DCBLD2: variants seen among roughly 807,000 people sequenced by gnomAD.
DCBLD2 encodes the protein discoidin, CUB and LCCL domain containing 2.
Under a neutral mutation model 86.8 loss-of-function variants are expected in DCBLD2, and 54 were observed. That is an observed-to-expected ratio of 0.62 (90% CI 0.50 to 0.78). The LOEUF is 0.78. Ranked by LOEUF, DCBLD2 falls within the 30% of genes least tolerant of loss-of-function variation. DCBLD2 has a pLI of 0.00. For missense variants in DCBLD2, 908 were observed against 954.2 expected, an observed-to-expected ratio of 0.95 and a Z score of 0.64; for synonymous variants, 354 against 341.3, an observed-to-expected ratio of 1.04 and a Z score of -0.41.
At chr3:98,879,784 A>G (rs1943429548) in intron 2 of DCBLD2, among the ~76,000 whole-genome samples, 1 of 152,148 alleles carries the variant, frequency 6.6e-6, no homozygotes, top group Non-Finnish European at 1.5e-5. Context: ...TGCTATGTAT[A>G]TGTTGAAGAA....
intron 3 of DCBLD2, among the ~76,000 whole-genome samples, chr3:98,847,354 C>T (rs1004331928): frequency 2.0e-5 from 3 of 152,216 alleles, no homozygotes; most frequent in African/African-American, 4.8e-5. Flanking sequence ...TCCATAACAT[C>T]ACACTGACTA....
intron 13 of DCBLD2, among the ~76,000 whole-genome samples, chr3:98,806,141 C>T (rs557173139): frequency 3.9e-4 from 60 of 152,126 alleles, no homozygotes; most frequent in Admixed American, 7.9e-4. Flanking sequence ...GAATAATTTG[C>T]GTAGAGGTGC....
rs1220312098 is a variant in DCBLD2 at position 98,799,566 on chromosome 3, C to T, written c.2134G>A (p.Val712Met). ...KATGNQPPPLVGTYNTLLSRT... is the reference protein window; with the variant it reads ...KATGNQPPPLMGTYNTLLSRT... ...GAGAGAAGTGTATTGTAAGTTCCCA[C>T]TAGTGGGGGAGGTTGGTTCCCCGTA... Residue 712 changes from valine to methionine, a missense_variant, in exon 16 of 16, where the codon GTG becomes ATG. By Grantham distance (21) the Val-to-Met change is conservative. Coordinates refer to ENST00000326840, the MANE Select transcript of DCBLD2 (RefSeq NM_080927.4). 1.9e-6 allele frequency: 3 copies of T among 1,613,824 alleles called. No individual in the cohort carries two copies. In the Admixed American group the frequency reaches 5.0e-5, roughly 27 times the overall value.
chr3:98,876,849 C>A (rs1330013000), intron 2 of DCBLD2, among the ~76,000 whole-genome samples: 1 of 152,066 alleles, frequency 6.6e-6, no homozygotes, highest in Non-Finnish European at 1.5e-5. Context: ...TGAGGACTAT[C>A]CTACAAAATG....
At chr3:98,802,907 T>C (rs1559767240) in intron 13 of DCBLD2, among the ~76,000 whole-genome samples, 2 of 152,220 alleles carry the variant, frequency 1.3e-5, no homozygotes, top group African/African-American at 4.8e-5. Context: ...CATTGGTCTA[T>C]ATCTCTGTTT....
intron 2 of DCBLD2, among the ~76,000 whole-genome samples, chr3:98,855,196 A>G (rs145340877): frequency 5.6e-4 from 85 of 152,338 alleles, no homozygotes; most frequent in Non-Finnish European, 1.1e-3. Context: ...CAGATTTTTT[A>G]TAAACAAAGA....
In DCBLD2 at chr3:98,849,554, A is replaced by T. The variant is rs767897773; in HGVS notation, c.478T>A (p.Ser160Thr). 1.9e-6 allele frequency: 3 copies of T among 1,613,836 alleles called. No individual in the cohort carries two copies. Residue 160 changes from serine (S) to threonine (T), a missense_variant, in exon 3 of 16, where the codon TCA becomes ACA. This residue lies in a region of DCBLD2 where 294 missense variants were observed against 256.0 expected (regional missense o/e 1.15). Transcript: ENST00000326840. ...AGCAATGTGATTTCATTGCCTTTTG[A>T]TTCAATTGAATGGTTCATTTGCAAC... The part of the protein sequence containing the change: ...LGLQMNHSIE[S>T]KGNEITLLFM...
intron 2 of DCBLD2, among the ~76,000 whole-genome samples, chr3:98,867,910 C>T (rs1943186321): frequency 6.6e-6 from 1 of 151,808 alleles, no homozygotes; most frequent in Non-Finnish European, 1.5e-5. Flanking sequence ...TCATGCCATT[C>T]TCCTGCCTCA....
chr3:98,837,859 A>C (rs1942502281), intron 3 of DCBLD2, among the ~76,000 whole-genome samples: 1 of 143,162 alleles, frequency 7.0e-6, no homozygotes, highest in East Asian at 2.3e-4. Context: ...GCGGCTGGCC[A>C]TGCGGGGGGC....
intron 2 of DCBLD2, among the ~76,000 whole-genome samples, chr3:98,862,879 G>A (rs1198086636): frequency 6.6e-6 from 1 of 152,142 alleles, no homozygotes; most frequent in Admixed American, 6.5e-5. Context: ...AGGGCAATCA[G>A]GCAGGAGAAA....
In DCBLD2 at chr3:98,901,258, G is replaced by A. The variant is rs1482607829; in HGVS notation, c.69C>T (p.Ala23=). Residue 23 remains alanine, a synonymous_variant, in exon 1 of 16, where the codon GCC becomes GCT. Transcript: ENST00000326840. ...GGGGGAGCGCGGCCCAGGCGGGGGC[G>A]GCGGCCGCGGCCCGGACTTGGGGAC... ...PQCPQVRAAA[A]APAWAALPLS... The A allele has an allele frequency of 1.3e-6, 2 of 1,531,078 alleles. No individual in the cohort carries two copies. The highest frequency in any genetic ancestry group is 2.4e-5 in the East Asian group (1 of 40,854). The allele number at this position is 1,531,078 out of a possible 1,614,324, so 94.8% of individuals were successfully genotyped here. A position where few individuals can be genotyped will look rare whatever the true frequency, so the allele number is the denominator to read the frequency against.
intron 1 of DCBLD2, among the ~76,000 whole-genome samples, chr3:98,885,845 G>C (rs1195593949): frequency 2.0e-5 from 3 of 151,550 alleles, no homozygotes; most frequent in Non-Finnish European, 4.4e-5. Context: ...CCATTTGGCA[G>C]TGTCTTGAGA....
intron 13 of DCBLD2, among the ~76,000 whole-genome samples, chr3:98,802,185 G>A (rs566484168): frequency 6.6e-6 from 1 of 152,268 alleles, no homozygotes; most frequent in African/African-American, 2.4e-5. Flanking sequence ...GTGTAAAAAT[G>A]TTCCTATTTC....
At chr3:98,868,144 GC>G (rs1943193058) in intron 2 of DCBLD2, among the ~76,000 whole-genome samples, 1 of 152,016 alleles carries the variant, frequency 6.6e-6, no homozygotes, top group African/African-American at 2.4e-5. Context: ...CTATCAAGCA[GC>G]CCCCTGAAGC....
chr3:98,890,470 A>G (rs1441776520), intron 1 of DCBLD2: 1 of 152,060 alleles, frequency 6.6e-6, no homozygotes, highest in Non-Finnish European at 1.5e-5. Flanking sequence ...TGAGACAATA[A>G]ATTTAAGTCA....
At chr3:98,889,252 T>G (rs1349255685) in intron 1 of DCBLD2, among the ~76,000 whole-genome samples, 2 of 151,950 alleles carry the variant, frequency 1.3e-5, no homozygotes, top group East Asian at 3.9e-4. Flanking sequence ...TGTCATCAGA[T>G]AGTAATGGGT....
chr3:98,878,354 T>C (rs753030188), intron 2 of DCBLD2, among the ~76,000 whole-genome samples: 9 of 152,130 alleles, frequency 5.9e-5, no homozygotes, highest in Non-Finnish European at 7.3e-5. Context: ...AATCTAATAA[T>C]GAGGAAGCAT....
intron 9 of DCBLD2, chr3:98,814,950 A>G (rs1398576403): frequency 6.6e-6 from 1 of 152,214 alleles, no homozygotes; most frequent in East Asian, 1.9e-4. Context: ...AGTACTGTCT[A>G]TAGAAGAGTT....
chr3:98,876,997 A>C (rs1215540613), intron 2 of DCBLD2, among the ~76,000 whole-genome samples: 2 of 152,236 alleles, frequency 1.3e-5, no homozygotes, highest in Non-Finnish European at 2.9e-5. Flanking sequence ...AAGTACGGAA[A>C]AGATAAAACA....
Sources: allele counts gnomAD v4.1 joint callset (sites outside exome capture counted in the v4.1 genomes callset), GRCh38; gene constraint gnomAD v4.1.1; regional missense constraint gnomAD v4.1.1; transcripts MANE v1.5; gene names NCBI Gene and HGNC (gene_info 2026-07-23, HGNC 2026-07-21).